Variants in L3MBTL3 observed in about 807,000 individuals in gnomAD.
L3MBTL3 encodes L3MBTL histone methyl-lysine binding protein 3.
A neutral mutation model predicts 102.3 loss-of-function variants in L3MBTL3; 27 were observed. That is an observed-to-expected ratio of 0.26 (90% CI 0.19 to 0.36). L3MBTL3 has a LOEUF of 0.36. Among genes scored for constraint, L3MBTL3 ranks in the 10% least tolerant of loss-of-function variants. The pLI, the probability that L3MBTL3 is intolerant of heterozygous loss-of-function variation, is 1.00. For synonymous variants in L3MBTL3, 340 were observed against 320.9 expected (o/e 1.06, Z -0.64); for missense variants, 798 against 955.3 (o/e 0.84, Z 2.17).
intron 19 of L3MBTL3, among the ~76,000 whole-genome samples, chr6:130,117,748 G>A (rs902827084): frequency 2.1e-4 from 32 of 152,024 alleles, no homozygotes; most frequent in African/African-American, 7.2e-4. Context: ...CACCGAGGCT[G>A]AAGTGCAGTG....
chr6:130,078,258 T>G (rs1020518364), intron 13 of L3MBTL3, among the ~76,000 whole-genome samples: 1 of 152,196 alleles, frequency 6.6e-6, no homozygotes, highest in Non-Finnish European at 1.5e-5. Context: ...ATCTAAATTA[T>G]AAATTTTAAT....
At chr6:130,057,960 G>A (rs1380111622) in intron 9 of L3MBTL3, among the ~76,000 whole-genome samples, 1 of 151,466 alleles carries the variant, frequency 6.6e-6, no homozygotes, top group Non-Finnish European at 1.5e-5. Flanking sequence ...TGGCTAACAA[G>A]GTGAAACCCC....
At chr6:130,052,544 T>G (rs1781172893) in intron 6 of L3MBTL3, among the ~76,000 whole-genome samples, 1 of 152,260 alleles carries the variant, frequency 6.6e-6, no homozygotes, top group Non-Finnish European at 1.5e-5. Context: ...ATCAATTCTT[T>G]TATTAGTATA....
At chr6:130,096,038 CTG>C (rs1784343549) in intron 18 of L3MBTL3, among the ~76,000 whole-genome samples, 1 of 152,212 alleles carries the variant, frequency 6.6e-6, no homozygotes, top group African/African-American at 2.4e-5. Flanking sequence ...TTTATTTACT[CTG>C]TGCAGGATAT....
chr6:130,082,465 G>A (rs897294903), intron 14 of L3MBTL3, among the ~76,000 whole-genome samples: 1 of 152,064 alleles, frequency 6.6e-6, no homozygotes, highest in Admixed American at 6.5e-5. Context: ...ATTTTTATCA[G>A]TGAGTTATAA....
intron 19 of L3MBTL3, among the ~76,000 whole-genome samples, chr6:130,114,510 A>G (rs1785542683): frequency 6.6e-6 from 1 of 152,170 alleles, no homozygotes. Flanking sequence ...TTTTCATTTA[A>G]TAAGAGGATT....
intron 19 of L3MBTL3, among the ~76,000 whole-genome samples, chr6:130,113,378 A>T (rs1352405415): frequency 6.6e-6 from 1 of 152,202 alleles, no homozygotes; most frequent in Non-Finnish European, 1.5e-5. Context: ...ACAATGTGTT[A>T]TTAGTTGGGA....
intron 2 of L3MBTL3, among the ~76,000 whole-genome samples, chr6:130,030,706 A>G (rs752498692): frequency 6.1e-5 from 9 of 146,414 alleles, no homozygotes; most frequent in Non-Finnish European, 1.0e-4. Context: ...ATTTAAACCC[A>G]GGCACTGGGG....
chr6:130,042,517 A>G (rs1780485489), intron 2 of L3MBTL3, among the ~76,000 whole-genome samples, 168 bp from the exon 3 acceptor site: 1 of 152,218 alleles, frequency 6.6e-6, no homozygotes, highest in South Asian at 2.1e-4. Context: ...GGATCGTACT[A>G]GGAAAAAAGT....
At position 130,140,775 on chromosome 6, in the gene L3MBTL3, T is replaced by G. The variant is rs1286493744; in HGVS notation, c.*1022T>G. 2 of 152,304 alleles carry G rather than the reference T, an allele frequency of 1.3e-5. No homozygotes were observed. Among genetic ancestry groups the G allele is most frequent in the Admixed American group, 6.5e-5 (1 of 15,284 alleles). 9.4% of individuals were successfully genotyped at this position (152,304 alleles called of 1,614,324 possible). A position where few individuals can be genotyped will look rare whatever the true frequency, so the allele number is the denominator to read the frequency against. On this transcript the variant is annotated 3_prime_UTR_variant, in exon 23 of 23. Transcript: ENST00000361794. ...TGTCCTCCAAACCCAAAGGTTTTTT[T>G]CAGGGTTGGCTAGAGAGCGAGTATT...
chr6:130,092,444 C>T (rs1455513437), intron 16 of L3MBTL3, among the ~76,000 whole-genome samples: 1 of 150,972 alleles, frequency 6.6e-6, no homozygotes, highest in Non-Finnish European at 1.5e-5. Context: ...GATGTTATAA[C>T]AGTTCCTGTT....
intron 8 of L3MBTL3, 56 bp from the exon 9 acceptor site, chr6:130,057,350 A>G (rs945845253): frequency 2.9e-6 from 4 of 1,388,786 alleles, no homozygotes; most frequent in Admixed American, 2.0e-5. Flanking sequence ...TCACAGATGC[A>G]TCACTGCTGG....
At chr6:130,036,388 A>G (rs908900537) in intron 2 of L3MBTL3, among the ~76,000 whole-genome samples, 4 of 152,206 alleles carry the variant, frequency 2.6e-5, no homozygotes, top group Admixed American at 6.5e-5. Context: ...TTATGCTATA[A>G]TATTGTATTC....
chr6:130,067,809 G>C (rs1179061573), intron 11 of L3MBTL3, among the ~76,000 whole-genome samples: 1 of 152,120 alleles, frequency 6.6e-6, no homozygotes, highest in Non-Finnish European at 1.5e-5. Flanking sequence ...TAAAAATTAA[G>C]GGGAGGACAT....
chr6:130,051,842 G>A (rs1781117051), intron 6 of L3MBTL3, among the ~76,000 whole-genome samples: 1 of 152,138 alleles, frequency 6.6e-6, no homozygotes, highest in Non-Finnish European at 1.5e-5. Flanking sequence ...CAGCTGAATG[G>A]AAATGGCCAT....
chr6:130,128,241 T>C (rs1038953818), intron 20 of L3MBTL3, among the ~76,000 whole-genome samples: 5 of 152,190 alleles, frequency 3.3e-5, no homozygotes, highest in Non-Finnish European at 7.3e-5. Context: ...AAGTGGCTTA[T>C]GTAAGGTAAA....
Position 130,041,108 on chromosome 6 carries a change from C to G in L3MBTL3, c.-15-1577C>G, listed in dbSNP as rs1470707436. On this transcript the variant is annotated intron_variant, in intron 2 of 22. Coordinates refer to ENST00000361794, the MANE Select transcript of L3MBTL3 (RefSeq NM_032438.4). ...GACCTTTTGAAAGGGGCTCAGAGAC[C>G]CTTGAGGAATGCATGCTTTGAGAAA... is the stretch of plus-strand genomic sequence containing the variant. 3.4e-4 allele frequency among the ~76,000 whole-genome samples: 51 copies of G among 152,044 alleles called. 1 individual carries two copies. The highest frequency in any genetic ancestry group is 3.3e-3 in the Admixed American group (51 of 15,260).
At chr6:130,094,396 A>G (rs1784236490) in intron 18 of L3MBTL3, 29 bp downstream of exon 18, 1 of 1,484,488 alleles carries the variant, frequency 6.7e-7, no homozygotes, top group African/African-American at 1.4e-5. Context: ...TCACTTGGTC[A>G]GATATAGGTG....
intron 13 of L3MBTL3, among the ~76,000 whole-genome samples, chr6:130,074,963 A>G (rs1157843054): frequency 6.6e-6 from 1 of 152,198 alleles, no homozygotes; most frequent in Non-Finnish European, 1.5e-5. Flanking sequence ...ACATTTACAG[A>G]TTAACAGCAG....
Sources: gnomAD v4.1 joint callset for allele counts (sites outside exome capture counted in the v4.1 genomes callset) on GRCh38, gnomAD v4.1.1 for gene constraint, MANE v1.5 for transcripts, NCBI Gene and HGNC (gene_info 2026-07-23, HGNC 2026-07-21) for gene names.